MRPS27: variants seen among roughly 807,000 people sequenced by gnomAD.
MRPS27 encodes small ribosomal subunit protein mS27.
A neutral mutation model predicts 48.9 loss-of-function variants in MRPS27; 43 were observed. That is an observed-to-expected ratio of 0.88 (90% CI 0.69 to 1.13). The LOEUF is 1.13. Among genes scored for constraint, MRPS27 ranks in the 50% most tolerant of loss-of-function variants. The pLI, the probability that MRPS27 is intolerant of heterozygous loss-of-function variation, is 0.00. For synonymous variants in MRPS27, 188 were observed against 171.9 expected (o/e 1.09, Z -0.73); for missense variants, 467 against 476.3 (o/e 0.98, Z 0.18).
chr5:72,307,295 C>T (rs932003367), intron 2 of MRPS27, among the ~76,000 whole-genome samples: 3 of 151,978 alleles, frequency 2.0e-5, no homozygotes, highest in African/African-American at 7.3e-5. Context: ...GAGGTTTAAG[C>T]GAGCTGAGAT....
chr5:72,298,569 G>A (rs1224136262), intron 2 of MRPS27, among the ~76,000 whole-genome samples: 3 of 151,912 alleles, frequency 2.0e-5, no homozygotes, highest in Admixed American at 6.6e-5. Context: ...AGCCGGGCGC[G>A]GTGGCGGGCG....
At chr5:72,299,922 C>A (rs2112069785) in intron 2 of MRPS27, among the ~76,000 whole-genome samples, 1 of 152,342 alleles carries the variant, frequency 6.6e-6, no homozygotes, top group African/African-American at 2.4e-5. Flanking sequence ...AGGTTACTAG[C>A]ATCTGTGCCC....
intron 4 of MRPS27, among the ~76,000 whole-genome samples, chr5:72,274,673 T>C (rs1290293016): frequency 6.6e-6 from 1 of 152,240 alleles, no homozygotes; most frequent in Non-Finnish European, 1.5e-5. Flanking sequence ...TATTATTATG[T>C]ACTGTACGTA....
chr5:72,223,957 C>A, intron 9 of MRPS27, 107 bp from the exon 10 acceptor site: 1 of 1,079,236 alleles, frequency 9.3e-7, no homozygotes, highest in Non-Finnish European at 1.3e-6. Flanking sequence ...CTCTAAAAGA[C>A]TGTGAAAACA....
intron 4 of MRPS27, among the ~76,000 whole-genome samples, chr5:72,291,831 T>G (rs988134248): frequency 3.3e-5 from 5 of 152,234 alleles, no homozygotes; most frequent in African/African-American, 1.2e-4. Flanking sequence ...TCCAGACCTA[T>G]TCTTCCCCCA....
At chr5:72,315,210 G>A (rs1331317903) in intron 1 of MRPS27, among the ~76,000 whole-genome samples, 1 of 152,002 alleles carries the variant, frequency 6.6e-6, no homozygotes, top group Non-Finnish European at 1.5e-5. Flanking sequence ...TACAAGACTT[G>A]TATCCAAAAT....
At chr5:72,238,699 G>C (rs1036763705) in intron 4 of MRPS27, among the ~76,000 whole-genome samples, 2 of 152,136 alleles carry the variant, frequency 1.3e-5, no homozygotes, top group African/African-American at 4.8e-5. Flanking sequence ...ATCCCACACT[G>C]CCTTCTTCAC....
At chr5:72,290,703 G>T (rs956661226) in intron 4 of MRPS27, among the ~76,000 whole-genome samples, 8 of 152,310 alleles carry the variant, frequency 5.3e-5, no homozygotes, top group African/African-American at 1.9e-4. Context: ...TAACAAGAGG[G>T]CGTGTGGATA....
intron 4 of MRPS27, among the ~76,000 whole-genome samples, chr5:72,242,180 C>G (rs1417217673): frequency 6.6e-6 from 1 of 152,110 alleles, no homozygotes; most frequent in African/African-American, 2.4e-5. Context: ...GAAGACAGAG[C>G]TTGCCTAGGA....
At chr5:72,267,852 C>T (rs544287245) in intron 4 of MRPS27, among the ~76,000 whole-genome samples, 2 of 152,122 alleles carry the variant, frequency 1.3e-5, no homozygotes, top group African/African-American at 4.8e-5. Flanking sequence ...AAAAAGTATG[C>T]TCTCAGATGC....
intron 1 of MRPS27, 110 bp downstream of exon 1, chr5:72,320,039 C>A: frequency 8.9e-7 from 1 of 1,127,950 alleles, no homozygotes; most frequent in Non-Finnish European, 1.3e-6. Context: ...CCCCAAATGG[C>A]GTCCCTAGCA....
chr5:72,248,512 A>G (rs1247085691), intron 4 of MRPS27, among the ~76,000 whole-genome samples: 17 of 152,040 alleles, frequency 1.1e-4, no homozygotes, highest in Admixed American at 1.1e-3. Context: ...AAAATTTAAA[A>G]AGTGTCTGAA....
chr5:72,317,783 G>A (rs544075759), intron 1 of MRPS27, among the ~76,000 whole-genome samples: 2 of 152,300 alleles, frequency 1.3e-5, no homozygotes, highest in Non-Finnish European at 2.9e-5. Context: ...TGCCTCCAGG[G>A]TTCAAGCAAT....
chr5:72,241,906 T>C (rs1047566064), intron 4 of MRPS27, among the ~76,000 whole-genome samples: 3 of 152,156 alleles, frequency 2.0e-5, no homozygotes, highest in African/African-American at 7.2e-5. Context: ...GCTGTCAAGA[T>C]AGGCAAACAT....
At chr5:72,266,859 C>CAA (rs879421705) in intron 4 of MRPS27, among the ~76,000 whole-genome samples, 3 of 137,486 alleles carry the variant, frequency 2.2e-5, no homozygotes, top group African/African-American at 8.0e-5. Flanking sequence ...GATTTCGTCT[C>CAA]AAAAAAAAAA....
intron 4 of MRPS27, among the ~76,000 whole-genome samples, chr5:72,260,050 T>C (rs1185308180): frequency 6.6e-6 from 1 of 152,224 alleles, no homozygotes; most frequent in Non-Finnish European, 1.5e-5. Context: ...CTATTATTGA[T>C]GACTAAAAAA....
chr5:72,241,692 T>G, intron 4 of MRPS27: 1 of 1,535,312 alleles, frequency 6.5e-7, no homozygotes, highest in South Asian at 1.2e-5. Flanking sequence ...TCCCTTTCTG[T>G]CAGAAGAAAG....
intron 2 of MRPS27, chr5:72,307,844 T>C (rs1750316009): frequency 6.6e-6 from 1 of 152,242 alleles, no homozygotes; most frequent in South Asian, 2.1e-4. Flanking sequence ...TGCACACTTT[T>C]CAGTATGTAT....
chr5:72,307,988 C>T (rs910142970), intron 2 of MRPS27: 1 of 152,304 alleles, frequency 6.6e-6, no homozygotes, highest in Non-Finnish European at 1.5e-5. Flanking sequence ...AAGTGAGGCT[C>T]TCGCCCGGTT....
Sources: gnomAD v4.1 joint callset for allele counts (sites outside exome capture counted in the v4.1 genomes callset) on GRCh38, gnomAD v4.1.1 for gene constraint, MANE v1.5 for transcripts, NCBI Gene and HGNC (gene_info 2026-07-23, HGNC 2026-07-21) for gene names.